Variants in MEGF6 observed in about 807,000 individuals in gnomAD.
The protein encoded by MEGF6 is multiple epidermal growth factor-like domains protein 6.
Under a neutral mutation model 207.1 loss-of-function variants are expected in MEGF6, and 184 were observed. The observed-to-expected ratio is 0.89, with a 90% CI of 0.79 to 1.00. The LOEUF is 1.00. Ranked by LOEUF, MEGF6 falls within the 50% of genes least tolerant of loss-of-function variation. The probability of loss-of-function intolerance (pLI) is 0.00; values close to 1 mark genes in which losing one functional copy is unlikely to be tolerated. For synonymous variants in MEGF6, 1,038 were observed against 910.0 expected, an observed-to-expected ratio of 1.14 and a Z score of -2.53; for missense variants, 2,282 against 2,202.9, an observed-to-expected ratio of 1.04 and a Z score of -0.72.
At chr1:3,501,983 T>TC in intron 17 of MEGF6, 62 bp from the exon 18 acceptor site, 5 of 975,606 alleles carry the variant, frequency 5.1e-6, no homozygotes, top group South Asian at 2.6e-5. Context: ...CCAGAGCCTT[T>TC]CCCCCAGGGG....
chr1:3,515,662 C>G, intron 5 of MEGF6, 135 bp from the exon 6 acceptor site: 2 of 1,097,018 alleles, frequency 1.8e-6, no homozygotes, highest in Non-Finnish European at 2.6e-6. Flanking sequence ...CTCCGAGCCC[C>G]TCCGCCTTTT....
rs1296179563 is a variant in MEGF6 at position 3,510,484 on chromosome 1, GCGCT to G, written c.1234+295_1234+298del. The stretch of plus-strand genomic sequence containing the variant: ...ACACCCACAGCCCTGCACGCAGCAG[GCGCT>G]CAACCAACGCCCACAGCCCTGCACG... On this transcript the variant is annotated intron_variant, in intron 10 of 36. Transcript: ENST00000356575. Among the ~76,000 whole-genome samples, 107 of 147,572 alleles carry G rather than the reference GCGCT, an allele frequency of 7.3e-4. No homozygotes were observed. In the Middle Eastern group the frequency reaches 0.018, roughly 25 times the overall value.
chr1:3,511,001 G>T (rs564273058), intron 9 of MEGF6, 99 bp from the exon 10 acceptor site: 1 of 1,480,958 alleles, frequency 6.8e-7, no homozygotes, highest in East Asian at 2.4e-5. Flanking sequence ...CAACCCACGC[G>T]CCCGACTGCA....
At chr1:3,592,786 C>T (rs1178433210) in intron 3 of MEGF6, among the ~76,000 whole-genome samples, 3 of 152,230 alleles carry the variant, frequency 2.0e-5, no homozygotes, top group Admixed American at 1.3e-4. Flanking sequence ...AGGGATTCCC[C>T]GGACCATGAA....
At chr1:3,544,243 C>T (rs1012545403) in intron 4 of MEGF6, among the ~76,000 whole-genome samples, 1 of 151,796 alleles carries the variant, frequency 6.6e-6, no homozygotes, top group Non-Finnish European at 1.5e-5. Context: ...CCCCCAGCAT[C>T]GCAGCGGCAT....
chr1:3,553,801 A>T (rs1570124614), intron 4 of MEGF6, among the ~76,000 whole-genome samples: 1 of 151,886 alleles, frequency 6.6e-6, no homozygotes. Flanking sequence ...CTGGAAAGTC[A>T]CCCCTTCAGG....
rs529755063 is a variant in MEGF6 at position 3,492,645 on chromosome 1, G to A, written c.4510C>T (p.Arg1504Trp). ...CVDGYMGPTC[R>W]EGGPLRLPEN... ...CCCAGGAAGCCCAGCTCACCTTCCC[G>A]GCACGTGGGCCCCATGTAGCCATCC... Residue 1504 changes from arginine (R) to tryptophan (W), a missense_variant, in exon 35 of 37, where the codon CGG becomes TGG. Transcript: ENST00000356575. 3.2e-5 allele frequency: 51 copies of A among 1,609,842 alleles called. No individual in the cohort carries two copies. The South Asian group carries it at 4.1e-4, about 13-fold the overall frequency.
chr1:3,572,966 C>G (rs1177943818), intron 4 of MEGF6, among the ~76,000 whole-genome samples: 3 of 147,112 alleles, frequency 2.0e-5, no homozygotes, highest in African/African-American at 7.6e-5. Context: ...TGAGTCCTTC[C>G]TGGGTGTGCT....
At position 3,497,243 on chromosome 1, in the gene MEGF6, G is replaced by C. The variant is rs577073182; in HGVS notation, c.3471C>G (p.Gly1157=). 4 of 1,531,526 alleles carry C rather than the reference G, an allele frequency of 2.6e-6. No individual in the cohort carries two copies. The East Asian group carries it at 9.1e-5, about 35-fold the overall frequency. 94.9% of individuals were successfully genotyped at this position (1,531,526 alleles called of 1,614,324 possible). The part of the protein sequence containing the change: ...CRCPPGFTGS[G]CEQACPPGSF... ...CTTGGGAGCACCTACCCTGCTCGCA[G>C]CCGGAGCCAGTGAAGCCAGGGGGAC... Residue 1157 remains glycine (G), a synonymous_variant, in exon 27 of 37, where the codon GGC becomes GGG. Transcript: ENST00000356575.
chr1:3,544,900 G>A (rs1250185835), intron 4 of MEGF6, among the ~76,000 whole-genome samples: 1 of 152,210 alleles, frequency 6.6e-6, no homozygotes, highest in African/African-American at 2.4e-5. Context: ...TGGCACTCAG[G>A]GCTGGGTCCA....
chr1:3,607,847 G>A (rs1644273295), intron 1 of MEGF6, among the ~76,000 whole-genome samples: 1 of 152,234 alleles, frequency 6.6e-6, no homozygotes, highest in South Asian at 2.1e-4. Context: ...GGGGCTCCAC[G>A]GGCAAGAGAT....
At chr1:3,513,427 A>G (rs1312039633) in intron 7 of MEGF6, among the ~76,000 whole-genome samples, 1 of 150,172 alleles carries the variant, frequency 6.7e-6, no homozygotes, top group African/African-American at 2.5e-5. Context: ...GTGCACCATC[A>G]TGCTCAGCTA....
intron 17 of MEGF6, 96 bp from the exon 18 acceptor site, chr1:3,502,017 G>GCGCCT (rs1640901271): frequency 1.1e-6 from 1 of 870,910 alleles, no homozygotes. Flanking sequence ...TGCCCCCTGT[G>GCGCCT]CCTCACATGG....
intron 17 of MEGF6, among the ~76,000 whole-genome samples, chr1:3,503,854 T>A (rs1052316232): frequency 9.2e-5 from 14 of 151,842 alleles, no homozygotes; most frequent in African/African-American, 3.1e-4. Flanking sequence ...TGTGCACAGA[T>A]GGGAAGTGGG....
Position 3,611,178 on chromosome 1 carries a change from T to C in MEGF6, c.91A>G (p.Ser31Gly). Residue 31 changes from serine (S) to glycine (G), a missense_variant, in exon 1 of 37, where the codon AGC becomes GGC. By Grantham distance (56) the Ser-to-Gly change is moderately conservative. Coordinates refer to ENST00000356575, the MANE Select transcript of MEGF6 (RefSeq NM_001409.4). ...LLLPAVPVGA[S>G]VPPRPLLPLQ... Reference sequence around the variant, plus strand: ...GGGAGCAGGGGCCGCGGCGGAACGCTGGCGCCCACGGGCACGGCGGGGAGC... The same window carrying C: ...GGGAGCAGGGGCCGCGGCGGAACGCCGGCGCCCACGGGCACGGCGGGGAGC... 1 of 1,549,984 alleles carries C rather than the reference T, an allele frequency of 6.5e-7. No individual in the cohort carries two copies. The highest frequency in any genetic ancestry group is 8.6e-7 in the Non-Finnish European group (1 of 1,158,226).
chr1:3,561,466 A>G (rs1643199042), intron 4 of MEGF6, among the ~76,000 whole-genome samples: 1 of 152,090 alleles, frequency 6.6e-6, no homozygotes, highest in Non-Finnish European at 1.5e-5. Context: ...TTCTGCCATC[A>G]GCCCAGGACG....
intron 4 of MEGF6, among the ~76,000 whole-genome samples, chr1:3,545,965 C>T (rs1216747394): frequency 1.3e-5 from 2 of 152,224 alleles, no homozygotes; most frequent in Non-Finnish European, 2.9e-5. Flanking sequence ...AAACGGCTCG[C>T]AGCTGGACAG....
At chr1:3,608,662 C>T (rs1471704451) in intron 1 of MEGF6, among the ~76,000 whole-genome samples, 1 of 152,228 alleles carries the variant, frequency 6.6e-6, no homozygotes, top group Non-Finnish European at 1.5e-5. Flanking sequence ...TGTAGCCCAG[C>T]AGCACCTCTC....
At chr1:3,587,245 G>A (rs965793906) in intron 3 of MEGF6, among the ~76,000 whole-genome samples, 2 of 152,236 alleles carry the variant, frequency 1.3e-5, no homozygotes, top group Admixed American at 6.5e-5. Flanking sequence ...AACACCAGCG[G>A]GCCTTCAGCT....
Sources: gnomAD v4.1 joint callset for allele counts (sites outside exome capture counted in the v4.1 genomes callset) on GRCh38, gnomAD v4.1.1 for gene constraint, MANE v1.5 for transcripts, NCBI Gene and HGNC (gene_info 2026-07-23, HGNC 2026-07-21) for gene names.